SLC26A5: variants seen among roughly 807,000 people sequenced by gnomAD.
SLC26A5 encodes solute carrier family 26 member 5.
In SLC26A5, 51 loss-of-function variants were observed where a neutral mutation model predicts 81.0. The observed-to-expected ratio is 0.63, with a 90% CI of 0.50 to 0.80. SLC26A5 has a LOEUF of 0.80. Among genes scored for constraint, SLC26A5 ranks in the 30% least tolerant of loss-of-function variants. The pLI, the probability that SLC26A5 is intolerant of heterozygous loss-of-function variation, is 0.00. For missense variants in SLC26A5, 771 were observed against 905.8 expected, an observed-to-expected ratio of 0.85 and a Z score of 1.91; for synonymous variants, 325 against 332.8, an observed-to-expected ratio of 0.98 and a Z score of 0.25.
Position 103,360,399 on chromosome 7 carries a change from C to T in SLC26A5, c.2042-7473G>A, listed in dbSNP as rs567218152. ...AGAGAATGGGTATAATTCTTCTTCCCTAGCAAACATGGTTGGTAACAGAAA... is the reference window on the plus strand; with the variant it reads ...AGAGAATGGGTATAATTCTTCTTCCTTAGCAAACATGGTTGGTAACAGAAA... On this transcript the variant is annotated intron_variant, in intron 19 of 19. Coordinates refer to the SLC26A5 transcript ENST00000339444. Among the ~76,000 whole-genome samples, 8 of 152,074 alleles carry T rather than the reference C, an allele frequency of 5.3e-5. No homozygotes were observed. In the South Asian group the frequency reaches 1.7e-3, roughly 32 times the overall value.
intron 2 of SLC26A5, among the ~76,000 whole-genome samples, chr7:103,431,323 C>CTT (rs11372947): frequency 8.8e-5 from 13 of 147,834 alleles, no homozygotes; most frequent in East Asian, 5.9e-4. Context: ...TTCTTTCTTT[C>CTT]TTTTTTTTTT....
chr7:103,421,581 G>C lies in SLC26A5; in HGVS notation c.-53-14C>G, dbSNP rs79226727. On this transcript the variant is annotated splice_polypyrimidine_tract_variant and intron_variant, in intron 2 of 19. Transcript: ENST00000306312. ...TCCTGAGTGTCACTAGGGGAAAAAA[G>C]AAAAACTCCATTTTACTTGCCAAAA... The C allele has an allele frequency of 3.2e-4, 498 of 1,551,310 alleles. No homozygotes were observed. The highest frequency in any genetic ancestry group is 4.1e-4 in the Non-Finnish European group (468 of 1,128,300).
Position 103,378,463 on chromosome 7 carries a change from C to T in SLC26A5, c.1768G>A (p.Ala590Thr), listed in dbSNP as rs368889484. ...KEVGNANMAN[A>T]TVVKADAEVD... ...CCACTCACTGCTTTGACAACAGTTGCGTTGGCCATATTTGCATTTCCGACT... is the reference window on the plus strand; with the variant it reads ...CCACTCACTGCTTTGACAACAGTTGTGTTGGCCATATTTGCATTTCCGACT... Residue 590 changes from alanine to threonine, a missense_variant, in exon 17 of 20, where the codon GCA becomes ACA. Coordinates refer to ENST00000306312, the MANE Select transcript of SLC26A5 (RefSeq NM_198999.3). 2.9e-5 allele frequency: 47 copies of T among 1,613,966 alleles called. 1 individual carries two copies. The Admixed American group carries it at 4.8e-4, about 17-fold the overall frequency.
intron 6 of SLC26A5, 63 bp from the exon 7 acceptor site, chr7:103,410,612 A>T (rs1824411121): frequency 7.0e-7 from 1 of 1,425,968 alleles, no homozygotes; most frequent in South Asian, 1.2e-5. Flanking sequence ...GTTATGACCC[A>T]CAGCAAATAT....
intron 7 of SLC26A5, among the ~76,000 whole-genome samples, chr7:103,409,789 G>A (rs1824334061): frequency 6.6e-6 from 1 of 151,624 alleles, no homozygotes; most frequent in African/African-American, 2.4e-5. Context: ...GTCACTACAA[G>A]CTCCACCTCC....
downstream of SLC26A5, among the ~76,000 whole-genome samples, chr7:103,369,852 T>TA: frequency 2.0e-5 from 3 of 152,344 alleles, no homozygotes; most frequent in African/African-American, 7.2e-5. Context: ...TTAGGTGTAT[T>TA]AAAAAACTCC....
At chr7:103,370,118 A>G (rs1436739963), downstream of SLC26A5, among the ~76,000 whole-genome samples, 2 of 152,144 alleles carry the variant, frequency 1.3e-5, no homozygotes, top group African/African-American at 2.4e-5. Context: ...ATTCAGTAAT[A>G]CTTTTATAGT....
intron 2 of SLC26A5, among the ~76,000 whole-genome samples, chr7:103,432,939 A>G (rs1826186991): frequency 6.6e-6 from 1 of 152,184 alleles, no homozygotes; most frequent in Admixed American, 6.5e-5. Context: ...CCACAGAGGA[A>G]GTATAATTTT....
At chr7:103,392,147 C>A (rs1406497115) in intron 10 of SLC26A5, among the ~76,000 whole-genome samples, 1 of 152,180 alleles carries the variant, frequency 6.6e-6, no homozygotes, top group East Asian at 1.9e-4. Context: ...CTTCCTGGGG[C>A]AAGTGAGTCC....
Position 103,391,694 on chromosome 7 carries a change from G to C in SLC26A5, c.1161C>G (p.Leu387=). 6.2e-7 allele frequency: 1 copy of C among 1,614,118 alleles called. No individual in the cohort carries two copies. The highest frequency in any genetic ancestry group is 8.5e-7 in the Non-Finnish European group (1 of 1,180,020). Reference sequence around the variant, plus strand: ...AGCATGAAATTGAAAAGGTCTGGAAGAGTGAGCCAATGGAATTGCACAGTC... The same window carrying C: ...AGCATGAAATTGAAAAGGTCTGGAACAGTGAGCCAATGGAATTGCACAGTC... ...ALGLCNSIGS[L]FQTFSISCSL... is the part of the protein sequence containing the mutation. The change falls in exon 11 of 20, where the codon CTC becomes CTG. Residue 387 remains leucine (L), a synonymous_variant. Coordinates refer to ENST00000306312, the MANE Select transcript of SLC26A5 (RefSeq NM_198999.3).
At chr7:103,425,091 A>T (rs1022723164) in intron 2 of SLC26A5, among the ~76,000 whole-genome samples, 17 of 152,176 alleles carry the variant, frequency 1.1e-4, no homozygotes, top group African/African-American at 3.6e-4. Flanking sequence ...AACATCAGGA[A>T]TTCCTCGTGA....
chr7:103,380,665 T>C, intron 14 of SLC26A5, 116 bp from the exon 15 acceptor site: 1 of 881,944 alleles, frequency 1.1e-6, no homozygotes, highest in East Asian at 2.5e-5. Context: ...GAATGCTTGA[T>C]CCTTACATGG....
rs1824636779 is a variant in SLC26A5, at chr7:103,413,095, G to C, written c.310C>G (p.Leu104Val). 2 of 1,613,130 alleles carry C rather than the reference G, an allele frequency of 1.2e-6. No homozygotes were observed. Among genetic ancestry groups the C allele is most frequent in the Non-Finnish European group, 1.7e-6 (2 of 1,179,326 alleles). The change falls in exon 5 of 20, where the codon CTG becomes GTG. Residue 104 changes from leucine to valine, a missense_variant. Transcript: ENST00000306312. Reference sequence around the variant, plus strand: ...CCAAATATTGGAGGCACAGCTGCCAGCATTGCAAAGGCTAAGCCTGTGGGA... The same window carrying C: ...CCAAATATTGGAGGCACAGCTGCCACCATTGCAAAGGCTAAGCCTGTGGGA... Reference protein sequence around the residue: ...QLPQGLAFAMLAAVPPIFGLY... With the variant: ...QLPQGLAFAMVAAVPPIFGLY...
downstream of SLC26A5, among the ~76,000 whole-genome samples, chr7:103,373,524 C>T (rs558423077): frequency 3.9e-4 from 60 of 152,252 alleles, no homozygotes; most frequent in African/African-American, 1.4e-3. Context: ...GCCCCAGTCT[C>T]TTTAACAAGT....
chr7:103,419,136 T>C (rs1218329106), intron 4 of SLC26A5, among the ~76,000 whole-genome samples: 1 of 152,198 alleles, frequency 6.6e-6, no homozygotes, highest in Admixed American at 6.5e-5. Flanking sequence ...CCTTCTGCCA[T>C]GATTGTGAGG....
rs928795351 is a variant in SLC26A5 at position 103,411,357 on chromosome 7, A to G, written c.570+63T>C. 27 of 1,594,660 alleles carry G rather than the reference A, an allele frequency of 1.7e-5. No individual in the cohort carries two copies. In the African/African-American group the frequency reaches 3.6e-4, roughly 21 times the overall value. Reference sequence around the variant, plus strand: ...CCGTGTAGTAAGACCAGCCAAGAGCACTCAGTAGATACTTGTTAGGTTAAC... The same window carrying G: ...CCGTGTAGTAAGACCAGCCAAGAGCGCTCAGTAGATACTTGTTAGGTTAAC... On this transcript the variant is annotated intron_variant, in intron 6 of 19. Transcript: ENST00000306312.
chr7:103,410,742 T>C (rs565210140), intron 6 of SLC26A5, among the ~76,000 whole-genome samples, 193 bp from the exon 7 acceptor site: 2 of 152,224 alleles, frequency 1.3e-5, no homozygotes, highest in African/African-American at 4.8e-5. Context: ...GCGATTCTCC[T>C]GCCTCAGCCT....
intron 9 of SLC26A5, 129 bp downstream of exon 9, chr7:103,397,803 T>TA: frequency 1.4e-6 from 1 of 721,934 alleles, no homozygotes; most frequent in Non-Finnish European, 2.5e-6. Flanking sequence ...CCAATCCCCC[T>TA]AAAGCCCTCA....
At chr7:103,396,431 C>G (rs1208986835) in intron 9 of SLC26A5, among the ~76,000 whole-genome samples, 1 of 152,170 alleles carries the variant, frequency 6.6e-6, no homozygotes, top group Non-Finnish European at 1.5e-5. Context: ...CCCACGTGCT[C>G]ATCAGTGGAT....
Sources: gnomAD v4.1 joint callset for allele counts (sites outside exome capture counted in the v4.1 genomes callset) on GRCh38, gnomAD v4.1.1 for gene constraint, MANE v1.5 for transcripts, NCBI Gene and HGNC (gene_info 2026-07-23, HGNC 2026-07-21) for gene names.